The following RAB28 variants were observed in gnomAD, a reference collection of about 807,000 sequenced individuals.
The protein encoded by RAB28 is ras-related protein Rab-28.
A neutral mutation model predicts 31.7 loss-of-function variants in RAB28; 24 were observed. That is an observed-to-expected ratio of 0.76 (90% CI 0.55 to 1.06). The LOEUF is 1.06. Among genes scored for constraint, RAB28 ranks in the 50% least tolerant of loss-of-function variants. The pLI, the probability that RAB28 is intolerant of heterozygous loss-of-function variation, is 0.00. For synonymous variants in RAB28, 100 were observed against 90.4 expected (o/e 1.11, Z -0.60); for missense variants, 254 against 258.5 (o/e 0.98, Z 0.12).
chr4:13,484,184 G>C lies in RAB28; in HGVS notation c.-34C>G, dbSNP rs755363569. 3.0e-5 allele frequency: 45 copies of C among 1,510,400 alleles called. No homozygotes were observed. In the East Asian group the frequency reaches 8.3e-4, roughly 28 times the overall value. 93.6% of individuals were successfully genotyped at this position (1,510,400 alleles called of 1,614,324 possible). ...GGGAACCAGGCCCGCCCCTCGAGGT[G>C]GGGGGGGAAGGGAAGGATGAAGGCT... On this transcript the variant is annotated 5_prime_UTR_variant, in exon 1 of 7. Coordinates refer to ENST00000330852, the MANE Select transcript of RAB28 (RefSeq NM_001017979.3).
intron 4 of RAB28, among the ~76,000 whole-genome samples, chr4:13,444,480 G>T (rs943885490): frequency 3.3e-5 from 5 of 152,124 alleles, no homozygotes; most frequent in Admixed American, 2.6e-4. Context: ...ATGCTGCAAT[G>T]AACTTGGGAG....
chr4:13,370,312 G>A (rs1728671916), intron 6 of RAB28: 1 of 961,086 alleles, frequency 1.0e-6, no homozygotes, highest in Admixed American at 6.2e-5. Context: ...AATTTCAGAA[G>A]ACTGTGAAGA....
chr4:13,379,930 A>C (rs1286912344), intron 5 of RAB28, among the ~76,000 whole-genome samples: 2 of 152,174 alleles, frequency 1.3e-5, no homozygotes, highest in Admixed American at 6.5e-5. Flanking sequence ...CTTAAAAAAA[A>C]TGAAGTTTTT....
intron 4 of RAB28, among the ~76,000 whole-genome samples, chr4:13,405,043 A>G (rs1241092261): frequency 5.3e-5 from 8 of 152,130 alleles, no homozygotes; most frequent in Non-Finnish European, 7.4e-5. Flanking sequence ...TAAAAGATCC[A>G]ACATATTTGT....
chr4:13,378,881 G>A (rs1729020591), intron 5 of RAB28, among the ~76,000 whole-genome samples: 1 of 152,096 alleles, frequency 6.6e-6, no homozygotes, highest in Admixed American at 6.6e-5. Context: ...AATAGAGGAG[G>A]ATAGTTTGAA....
intron 4 of RAB28, among the ~76,000 whole-genome samples, chr4:13,431,084 C>T (rs1486803089): frequency 6.6e-6 from 1 of 152,224 alleles, no homozygotes; most frequent in East Asian, 1.9e-4. Context: ...CCCATGACCA[C>T]TCAGGCTTTC....
chr4:13,367,822 G>A lies in RAB28; in HGVS notation c.*736C>T. ...TCATTCTCGGGAGTACTCTTATGCA[G>A]TTTGCAAGAGAAATTCCACGTGGAG... On this transcript the variant is annotated 3_prime_UTR_variant, in exon 7 of 7. Transcript: ENST00000330852. 3.0e-6 allele frequency: 3 copies of A among 984,614 alleles called. No individual in the cohort carries two copies. Among genetic ancestry groups the A allele is most frequent in the Non-Finnish European group, 3.6e-6 (3 of 829,234 alleles). The allele number at this position is 984,614 out of a possible 1,614,324, so 61.0% of individuals were successfully genotyped here. A position where few individuals can be genotyped will look rare whatever the true frequency, so the allele number is the denominator to read the frequency against.
Position 13,370,151 on chromosome 4 carries a change from A to C in RAB28, c.574-1501T>G, listed in dbSNP as rs1456685. On this transcript the variant is annotated intron_variant, in intron 6 of 6. Transcript: ENST00000330852. The stretch of plus-strand genomic sequence containing the variant: ...CACAAACAGCAGAATGTACACATAC[A>C]AAAGGAAAGAAAAGGAAAGGAACAA... 2.4e-4 allele frequency: 234 copies of C among 979,136 alleles called. 1 individual carries two copies. In the African/African-American group the frequency reaches 4.0e-3, roughly 17 times the overall value. The allele number at this position is 979,136 out of a possible 1,614,324, so 60.7% of individuals were successfully genotyped here. A position where few individuals can be genotyped will look rare whatever the true frequency, so the allele number is the denominator to read the frequency against.
At chr4:13,422,680 C>T (rs943463407) in intron 4 of RAB28, among the ~76,000 whole-genome samples, 1 of 151,520 alleles carries the variant, frequency 6.6e-6, no homozygotes, top group African/African-American at 2.4e-5. Context: ...TGTGCTCACT[C>T]ATCGGTGGGA....
chr4:13,484,092 T>TC lies in RAB28; in HGVS notation c.58dup (p.Asp20GlyfsTer62), dbSNP rs1221585885. 4 of 1,597,894 alleles carry TC rather than the reference T, an allele frequency of 2.5e-6. No individual in the cohort carries two copies. The highest frequency in any genetic ancestry group is 3.4e-6 in the Non-Finnish European group (4 of 1,173,468). On this transcript the variant is annotated frameshift_variant, in exon 1 of 7. Coordinates refer to ENST00000330852, the MANE Select transcript of RAB28 (RefSeq NM_001017979.3). LOFTEE classifies it high-confidence loss of function. ...AGGACTGACCTTCCCGGAGGCGCCG[T>TC]CCCCCAGCACGACGATTTTCAGTTG...
At chr4:13,449,866 A>G (rs1714874443) in intron 4 of RAB28, among the ~76,000 whole-genome samples, 1 of 151,798 alleles carries the variant, frequency 6.6e-6, no homozygotes, top group African/African-American at 2.4e-5. Flanking sequence ...CTTCTATGTA[A>G]CCCCTGTTAA....
chr4:13,384,909 C>T (rs542751550), intron 4 of RAB28, among the ~76,000 whole-genome samples: 21 of 152,090 alleles, frequency 1.4e-4, no homozygotes, highest in African/African-American at 1.7e-4. Flanking sequence ...TGGATAGAAA[C>T]GAAGGTCACT....
At chr4:13,375,649 T>C (rs1728889025) in intron 6 of RAB28, among the ~76,000 whole-genome samples, 1 of 152,168 alleles carries the variant, frequency 6.6e-6, no homozygotes, top group African/African-American at 2.4e-5. Context: ...CTAAAACAAA[T>C]GTCTTTGAAT....
intron 4 of RAB28, among the ~76,000 whole-genome samples, chr4:13,398,671 G>A (rs1029045809): frequency 6.6e-6 from 1 of 151,786 alleles, no homozygotes; most frequent in Non-Finnish European, 1.5e-5. Flanking sequence ...CCAGCTACTC[G>A]GGAGGCTGAG....
chr4:13,483,342 C>A (rs1275348198), intron 1 of RAB28, among the ~76,000 whole-genome samples: 2 of 152,178 alleles, frequency 1.3e-5, no homozygotes, highest in African/African-American at 4.8e-5. Flanking sequence ...AGCAGCTCTA[C>A]CCTCAGCATC....
At chr4:13,385,220 C>A (rs776973682) in intron 4 of RAB28, among the ~76,000 whole-genome samples, 7 of 152,132 alleles carry the variant, frequency 4.6e-5, no homozygotes, top group African/African-American at 7.2e-5. Context: ...AACAAATCCA[C>A]AACTCATTGG....
chr4:13,423,461 G>C (rs1713292340), intron 4 of RAB28, among the ~76,000 whole-genome samples: 1 of 151,012 alleles, frequency 6.6e-6, no homozygotes, highest in Non-Finnish European at 1.5e-5. Flanking sequence ...CTCCAACCTG[G>C]GCAACAAGTG....
chr4:13,481,281 G>C (rs1716592449), intron 1 of RAB28, among the ~76,000 whole-genome samples: 2 of 151,928 alleles, frequency 1.3e-5, no homozygotes, highest in African/African-American at 4.8e-5. Context: ...CAGGTTACTG[G>C]GAACATACAG....
intron 2 of RAB28, among the ~76,000 whole-genome samples, chr4:13,476,187 C>T (rs1166188132): frequency 1.3e-5 from 2 of 151,468 alleles, no homozygotes; most frequent in African/African-American, 4.8e-5. Flanking sequence ...GTTGTGAACA[C>T]TTTGACTGTA....
Sources: gnomAD v4.1 joint callset for allele counts (sites outside exome capture counted in the v4.1 genomes callset) on GRCh38, gnomAD v4.1.1 for gene constraint, MANE v1.5 for transcripts, NCBI Gene and HGNC (gene_info 2026-07-23, HGNC 2026-07-21) for gene names.